Variants in ZMYND8 observed in about 807,000 individuals in gnomAD.
The protein encoded by ZMYND8 is MYND-type zinc finger-containing chromatin reader ZMYND8.
ZMYND8 carries 37 observed loss-of-function variants against 140.8 expected under a neutral mutation model. The observed-to-expected ratio is 0.26, with a 90% CI of 0.20 to 0.35. The LOEUF (loss-of-function observed/expected upper bound fraction) is 0.35. ZMYND8 is among the 10% of genes least tolerant of loss of function. ZMYND8 has a pLI of 1.00. For missense variants in ZMYND8, 1,068 were observed against 1,570.0 expected (o/e 0.68, Z 5.40); for synonymous variants, 592 against 597.1 (o/e 0.99, Z 0.12).
At chr20:47,219,788 A>T (rs994626992) in intron 21 of ZMYND8, among the ~76,000 whole-genome samples, 2 of 152,190 alleles carry the variant, frequency 1.3e-5, no homozygotes, top group Admixed American at 6.5e-5. Context: ...ATTCTCCAAA[A>T]GGAAAGGATT....
intron 21 of ZMYND8, 82 bp from the exon 22 acceptor site, chr20:47,212,807 C>A: frequency 7.9e-7 from 1 of 1,266,568 alleles, no homozygotes; most frequent in South Asian, 1.5e-5. Context: ...TATTTTTGTT[C>A]ATCAACAGGC....
chr20:47,250,099 C>T (rs1233543523), intron 12 of ZMYND8, among the ~76,000 whole-genome samples: 1 of 152,146 alleles, frequency 6.6e-6, no homozygotes, highest in Non-Finnish European at 1.5e-5. Flanking sequence ...TCTAACAGGT[C>T]TCGCTCAAGT....
In ZMYND8 at chr20:47,291,838, C is replaced by T. The variant is rs746673431; in HGVS notation, c.618G>A (p.Ala206=). 8.1e-6 allele frequency: 13 copies of T among 1,613,264 alleles called. No homozygotes were observed. The highest frequency in any genetic ancestry group is 1.7e-5 in the Admixed American group (1 of 59,940). Residue 206 remains alanine (A), a synonymous_variant, in exon 6 of 23, where the codon GCG becomes GCA. Coordinates refer to ENST00000471951, the MANE Select transcript of ZMYND8 (RefSeq NM_001281775.3). ...PVPLEQHPDY[A]EYIFHPMDLC... is the part of the protein sequence containing the mutation. ...GGTCCATTGGATGGAAGATGTATTC[C>T]GCATAGTCAGGGTGCTGTTCCAATG...
chr20:47,299,572 TTTTTTC>T (rs775727644), intron 3 of ZMYND8, among the ~76,000 whole-genome samples: 56 of 152,142 alleles, frequency 3.7e-4, no homozygotes, highest in Non-Finnish European at 5.4e-4. Flanking sequence ...ACCTAATTTT[TTTTTTC>T]TTTTTCTTTT....
At chr20:47,291,340 C>T (rs1021073628) in intron 6 of ZMYND8, among the ~76,000 whole-genome samples, 11 of 152,142 alleles carry the variant, frequency 7.2e-5, no homozygotes, top group Admixed American at 2.0e-4. Flanking sequence ...CTTTTAAAAC[C>T]TTCAGGCATT....
At chr20:47,340,232 C>T (rs2081734746) in intron 2 of ZMYND8, among the ~76,000 whole-genome samples, 1 of 152,014 alleles carries the variant, frequency 6.6e-6, no homozygotes, top group African/African-American at 2.4e-5. Flanking sequence ...CAGGCATAAG[C>T]CACCCAGCCA....
At chr20:47,276,149 T>C (rs1459347188) in intron 11 of ZMYND8, among the ~76,000 whole-genome samples, 165 bp downstream of exon 11, 1 of 152,232 alleles carries the variant, frequency 6.6e-6, no homozygotes, top group Non-Finnish European at 1.5e-5. Context: ...TCTGGGTTAC[T>C]AGCAGCAAGA....
intron 11 of ZMYND8, among the ~76,000 whole-genome samples, chr20:47,268,427 G>C (rs1182810653): frequency 1.3e-5 from 2 of 151,418 alleles, no homozygotes; most frequent in African/African-American, 4.8e-5. Flanking sequence ...CCGAGTAGCT[G>C]GGATTACAGG....
At chr20:47,272,935 C>G (rs2076046221) in intron 11 of ZMYND8, among the ~76,000 whole-genome samples, 1 of 152,132 alleles carries the variant, frequency 6.6e-6, no homozygotes. Flanking sequence ...CATTTTAATA[C>G]AAATTTCCCA....
chr20:47,305,098 GC>G (rs1426425261), intron 3 of ZMYND8, among the ~76,000 whole-genome samples: 1 of 151,842 alleles, frequency 6.6e-6, no homozygotes, highest in Non-Finnish European at 1.5e-5. Context: ...AAAAAAATTA[GC>G]CAGGCATGTT....
chr20:47,271,025 C>T (rs1218874424), intron 11 of ZMYND8, among the ~76,000 whole-genome samples: 4 of 151,622 alleles, frequency 2.6e-5, no homozygotes, highest in African/African-American at 7.3e-5. Context: ...TGCAGTGAGC[C>T]GAGATCGCAC....
In ZMYND8 at chr20:47,298,643, G is replaced by T; in HGVS notation, c.453+86C>A. 1 of 1,537,452 alleles carries T rather than the reference G, an allele frequency of 6.5e-7. No homozygotes were observed. ...GAAATTTCTCTTTTCCATCTATCTG[G>T]ATTATTTGTAAATTTAAAAATAAAA... On this transcript the variant is annotated intron_variant, in intron 4 of 22. Coordinates refer to ENST00000471951, the MANE Select transcript of ZMYND8 (RefSeq NM_001281775.3). The surrounding 1 kb of genome is among the most constrained non-coding windows in gnomAD (Gnocchi z 5.0).
chr20:47,211,003 C>T, intron 22 of ZMYND8, 106 bp from the exon 23 acceptor site: 1 of 1,480,916 alleles, frequency 6.8e-7, no homozygotes, highest in Non-Finnish European at 9.2e-7. Flanking sequence ...ACCTTCCCCT[C>T]CCAATTGATG....
At chr20:47,231,652 T>C (rs1164899276) in intron 16 of ZMYND8, among the ~76,000 whole-genome samples, 1 of 152,206 alleles carries the variant, frequency 6.6e-6, no homozygotes, top group Non-Finnish European at 1.5e-5. Context: ...TCTGTTGAGA[T>C]TTCCGCTCCC....
intron 16 of ZMYND8, among the ~76,000 whole-genome samples, chr20:47,231,489 C>T (rs1188851646): frequency 6.6e-6 from 1 of 152,214 alleles, no homozygotes; most frequent in African/African-American, 2.4e-5. Flanking sequence ...CAGCTCGTTA[C>T]CTGCCACGGA....
intron 2 of ZMYND8, among the ~76,000 whole-genome samples, chr20:47,313,412 G>T (rs1248448870): frequency 6.6e-6 from 1 of 151,188 alleles, no homozygotes; most frequent in Non-Finnish European, 1.5e-5. Flanking sequence ...TACAAAGTCA[G>T]GAGATCGAGA....
intron 16 of ZMYND8, among the ~76,000 whole-genome samples, chr20:47,233,108 T>A (rs1006018469): frequency 6.6e-6 from 1 of 151,998 alleles, no homozygotes; most frequent in African/African-American, 2.4e-5. Flanking sequence ...GGTTCTGCCA[T>A]GTTGGCCAGG....
intron 14 of ZMYND8, among the ~76,000 whole-genome samples, chr20:47,240,745 G>T (rs1485330507): frequency 6.6e-6 from 1 of 150,998 alleles, no homozygotes; most frequent in Non-Finnish European, 1.5e-5. Context: ...CAGCAGAGAC[G>T]GGGTTTCGCC....
intron 12 of ZMYND8, among the ~76,000 whole-genome samples, chr20:47,256,407 C>A (rs2074724882): frequency 1.3e-5 from 2 of 152,084 alleles, no homozygotes; most frequent in Admixed American, 6.5e-5. Flanking sequence ...ATCACGAGGT[C>A]AGGAGATTGA....
Sources: gnomAD v4.1 joint callset for allele counts (sites outside exome capture counted in the v4.1 genomes callset) on GRCh38, gnomAD v4.1.1 for gene constraint, Gnocchi (gnomAD v3.1) non-coding constraint, MANE v1.5 for transcripts, NCBI Gene and HGNC (gene_info 2026-07-23, HGNC 2026-07-21) for gene names.